The following SGCD variants were observed in gnomAD, a reference collection of about 807,000 sequenced individuals.
The protein encoded by SGCD is delta-sarcoglycan.
SGCD carries 18 observed loss-of-function variants against 36.6 expected under a neutral mutation model. That is an observed-to-expected ratio of 0.49 (90% CI 0.34 to 0.73). The LOEUF (loss-of-function observed/expected upper bound fraction) is 0.73, where lower values mean the gene tolerates loss of function less well. SGCD is among the 30% of genes least tolerant of loss of function. The probability of loss-of-function intolerance (pLI) is 0.01; values close to 1 mark genes in which losing one functional copy is unlikely to be tolerated. For synonymous variants in SGCD, 133 were observed against 130.6 expected (o/e 1.02, Z -0.12); for missense variants, 387 against 346.7 (o/e 1.12, Z -0.92).
At chr5:156,133,960 CAG>C (rs1762391465) in intron 3 of SGCD, among the ~76,000 whole-genome samples, 2 of 138,732 alleles carry the variant, frequency 1.4e-5, no homozygotes, top group South Asian at 4.5e-4. Flanking sequence ...CACACACACA[CAG>C]TTTCTCTCTG....
At chr5:155,825,042 A>G in the SGCD span, among the ~76,000 whole-genome samples, 1 of 152,200 alleles carries the variant, frequency 6.6e-6, no homozygotes, top group East Asian at 1.9e-4. Flanking sequence ...TACCACACAT[A>G]GTGCCAAACT....
chr5:156,045,885 T>A (rs978733216), intron 1 of SGCD, among the ~76,000 whole-genome samples: 7 of 152,128 alleles, frequency 4.6e-5, no homozygotes, highest in African/African-American at 1.7e-4. Flanking sequence ...CATCAACATA[T>A]GAATATTTTG....
intron 7 of SGCD, among the ~76,000 whole-genome samples, chr5:156,678,315 G>GGGGT (rs1462189716): frequency 6.6e-6 from 1 of 152,212 alleles, no homozygotes; most frequent in Non-Finnish European, 1.5e-5. Context: ...GAGAGACACA[G>GGGGT]GGGTGGGTGA....
intron 6 of SGCD, among the ~76,000 whole-genome samples, chr5:156,597,608 G>A (rs280469): frequency 0.11 from 16,439 of 152,124 alleles, 1,156 homozygotes; most frequent in Admixed American, 0.17. Flanking sequence ...AGATTTGAGC[G>A]GAGACACAGC....
chr5:156,168,425 G>A (rs1763263205), intron 3 of SGCD, among the ~76,000 whole-genome samples: 1 of 151,778 alleles, frequency 6.6e-6, no homozygotes, highest in South Asian at 2.1e-4. Context: ...CATAACATAA[G>A]TTACTTGGGT....
chr5:156,596,920 G>T (rs1457648960), intron 6 of SGCD, among the ~76,000 whole-genome samples: 1 of 151,894 alleles, frequency 6.6e-6, no homozygotes, highest in Non-Finnish European at 1.5e-5. Flanking sequence ...CACTCTTACT[G>T]TCCCCATTAT....
At chr5:156,436,851 A>G (rs529825079) in intron 3 of SGCD, among the ~76,000 whole-genome samples, 48 of 152,282 alleles carry the variant, frequency 3.2e-4, no homozygotes, top group Admixed American at 2.5e-3. Context: ...CTTTATAGCT[A>G]ACCAACTCAG....
At chr5:155,948,364 G>A (rs200368325) in intron 1 of SGCD, among the ~76,000 whole-genome samples, 2 of 152,142 alleles carry the variant, frequency 1.3e-5, no homozygotes, top group Non-Finnish European at 2.9e-5. Context: ...TATACATTTT[G>A]CTTTTTGGGT....
At chr5:156,150,560 G>A (rs555859117) in intron 3 of SGCD, among the ~76,000 whole-genome samples, 26 of 151,788 alleles carry the variant, frequency 1.7e-4, no homozygotes, top group African/African-American at 6.3e-4. Context: ...TGTCATGCAT[G>A]TAGTATAGAG....
At chr5:155,826,058 T>C in the SGCD span, among the ~76,000 whole-genome samples, 3 of 152,216 alleles carry the variant, frequency 2.0e-5, no homozygotes, top group Non-Finnish European at 4.4e-5. Context: ...CCTAGTTGAC[T>C]TTAAATAACA....
chr5:156,406,823 C>T (rs202012262), intron 3 of SGCD, among the ~76,000 whole-genome samples: 26,682 of 68,804 alleles, frequency 0.39, 4,850 homozygotes, highest in African/African-American at 0.45. Flanking sequence ...TATATATACA[C>T]ACACACACAC....
chr5:155,780,107 T>C, the SGCD span, among the ~76,000 whole-genome samples: 1 of 151,260 alleles, frequency 6.6e-6, no homozygotes, highest in Non-Finnish European at 1.5e-5. Flanking sequence ...GATACGTCCA[T>C]TTTTTTTTCT....
intron 2 of SGCD, among the ~76,000 whole-genome samples, chr5:156,342,369 C>T (rs1318168654): frequency 6.6e-6 from 1 of 152,218 alleles, no homozygotes; most frequent in Non-Finnish European, 1.5e-5. Context: ...TACCCTGCCA[C>T]AAATCCTTTA....
At chr5:156,291,361 C>T (rs1344041474) in intron 3 of SGCD, among the ~76,000 whole-genome samples, 3 of 151,684 alleles carry the variant, frequency 2.0e-5, no homozygotes, top group African/African-American at 4.8e-5. Context: ...CCAGATGTAC[C>T]CCATAAATAT....
At chr5:155,908,618 T>C (rs2113351804) in intron 1 of SGCD, among the ~76,000 whole-genome samples, 1 of 152,256 alleles carries the variant, frequency 6.6e-6, no homozygotes, top group Non-Finnish European at 1.5e-5. Flanking sequence ...GTGGTTGAGG[T>C]ACAGTTGTCA....
intron 3 of SGCD, among the ~76,000 whole-genome samples, chr5:156,261,134 T>A (rs1478595411): frequency 6.6e-6 from 1 of 152,198 alleles, no homozygotes; most frequent in East Asian, 1.9e-4. Flanking sequence ...TTTGTAGTTG[T>A]GTTATTAACA....
intron 6 of SGCD, among the ~76,000 whole-genome samples, chr5:156,601,143 T>G (rs1039580370): frequency 2.6e-5 from 4 of 152,208 alleles, no homozygotes; most frequent in Non-Finnish European, 4.4e-5. Context: ...AGCTTTTTAG[T>G]TTTATGTAAT....
At chr5:156,164,404 C>T (rs565977866) in intron 3 of SGCD, among the ~76,000 whole-genome samples, 91 of 152,048 alleles carry the variant, frequency 6.0e-4, no homozygotes, top group Non-Finnish European at 9.4e-4. Context: ...CCTTTCTTTT[C>T]TCTCTGCCTT....
At chr5:156,030,134 TAG>T (rs1183689620) in intron 1 of SGCD, among the ~76,000 whole-genome samples, 4 of 152,214 alleles carry the variant, frequency 2.6e-5, no homozygotes, top group Non-Finnish European at 5.9e-5. Flanking sequence ...AGGAATGAGC[TAG>T]AGTGCTTGCT....
Sources: gnomAD v4.1 joint callset for allele counts (sites outside exome capture counted in the v4.1 genomes callset) on GRCh38, gnomAD v4.1.1 for gene constraint, MANE v1.5 for transcripts, NCBI Gene and HGNC (gene_info 2026-07-23, HGNC 2026-07-21) for gene names.